The following IFT80 variants were observed in gnomAD, a reference collection of about 807,000 sequenced individuals.
The protein encoded by IFT80 is intraflagellar transport protein 80 homolog.
IFT80 carries 79 observed loss-of-function variants against 107.9 expected under a neutral mutation model. The ratio of observed to expected loss-of-function variants is 0.73; its 90% CI spans 0.61 to 0.88. IFT80 has a LOEUF of 0.88. Ranked by LOEUF, IFT80 falls within the 40% of genes least tolerant of loss-of-function variation. The probability of loss-of-function intolerance (pLI) is 0.00; values close to 1 mark genes in which losing one functional copy is unlikely to be tolerated. For synonymous variants in IFT80, 299 were observed against 300.9 expected (o/e 0.99, Z 0.07); for missense variants, 797 against 914.2 (o/e 0.87, Z 1.65).
rs1721079931 is a variant in IFT80 at position 160,356,244 on chromosome 3, T to A, written c.640-94A>T. The A allele has an allele frequency of 1.8e-5, 20 of 1,087,252 alleles. 1 individual carries two copies. In the South Asian group the frequency reaches 3.1e-4, roughly 17 times the overall value. The allele number at this position is 1,087,252 out of a possible 1,614,324, so 67.4% of individuals were successfully genotyped here. ...AAATAAATAAAATAAAAATGTTTTA[T>A]AACAGACACCACATAAAAACAAGTT... On this transcript the variant is annotated intron_variant, in intron 7 of 19. Transcript: ENST00000326448.
intron 8 of IFT80, among the ~76,000 whole-genome samples, chr3:160,344,305 T>G (rs1720127011): frequency 6.6e-6 from 1 of 152,174 alleles, no homozygotes; most frequent in Admixed American, 6.6e-5. Context: ...CTGTTTTCCT[T>G]TGGCTCTTTG....
chr3:160,373,892 T>A (rs965253083), intron 5 of IFT80, among the ~76,000 whole-genome samples: 2 of 152,210 alleles, frequency 1.3e-5, no homozygotes, highest in Non-Finnish European at 2.9e-5. Flanking sequence ...GCCCACCCAC[T>A]GCTCATCTCC....
Position 160,258,459 on chromosome 3 carries a change from A to G in IFT80, c.*66T>C. On this transcript the variant is annotated 3_prime_UTR_variant, in exon 20 of 20. Coordinates refer to ENST00000326448, the MANE Select transcript of IFT80 (RefSeq NM_020800.3). ...TGCTTTTTTCTTTAGCAACCAAAAC[A>G]TGCTTACCCTTGGTTAATCAGAACG... 1.2e-6 allele frequency: 2 copies of G among 1,603,910 alleles called. No individual in the cohort carries two copies. The highest frequency in any genetic ancestry group is 1.7e-6 in the Non-Finnish European group (2 of 1,173,992).
chr3:160,362,907 T>G (rs1268165832), intron 6 of IFT80, among the ~76,000 whole-genome samples: 1 of 152,118 alleles, frequency 6.6e-6, no homozygotes, highest in African/African-American at 2.4e-5. Context: ...CCACAGCCAA[T>G]ATCATACTGA....
At chr3:160,332,943 T>C (rs560489723) in intron 8 of IFT80, among the ~76,000 whole-genome samples, 1 of 152,336 alleles carries the variant, frequency 6.6e-6, no homozygotes, top group Non-Finnish European at 1.5e-5. Context: ...GGATGCATTC[T>C]GAGAAATGGG....
At chr3:160,393,671 T>C (rs190124255) in intron 1 of IFT80, among the ~76,000 whole-genome samples, 17 of 152,206 alleles carry the variant, frequency 1.1e-4, no homozygotes, top group Admixed American at 3.3e-4. Flanking sequence ...AAAAAGATGG[T>C]TTTTAAAAAA....
At chr3:160,348,154 T>C (rs1263845625) in intron 8 of IFT80, among the ~76,000 whole-genome samples, 1 of 152,200 alleles carries the variant, frequency 6.6e-6, no homozygotes, top group East Asian at 1.9e-4. Context: ...ATTAGTTAAA[T>C]TGAACATCCT....
At chr3:160,382,474 A>AT (rs1712597267) in intron 2 of IFT80, among the ~76,000 whole-genome samples, 2 of 152,032 alleles carry the variant, frequency 1.3e-5, no homozygotes, top group Non-Finnish European at 2.9e-5. Context: ...TATTTAACCC[A>AT]TTTTTTCAGC....
At chr3:160,375,297 T>TA (rs1305648717) in intron 5 of IFT80, among the ~76,000 whole-genome samples, 1 of 152,132 alleles carries the variant, frequency 6.6e-6, no homozygotes, top group Non-Finnish European at 1.5e-5. Context: ...TCTATTAACA[T>TA]AAAAAATTAA....
At chr3:160,284,859 A>G (rs1267774618) in intron 13 of IFT80, among the ~76,000 whole-genome samples, 2 of 152,198 alleles carry the variant, frequency 1.3e-5, no homozygotes, top group African/African-American at 2.4e-5. Context: ...AAGAGAACAT[A>G]TATCAGTTTT....
At chr3:160,375,230 T>C (rs963923099) in intron 5 of IFT80, among the ~76,000 whole-genome samples, 1 of 152,110 alleles carries the variant, frequency 6.6e-6, no homozygotes, top group Non-Finnish European at 1.5e-5. Flanking sequence ...GAAAAAATCA[T>C]ATGTAATCTA....
Position 160,258,207 on chromosome 3 carries a change from G to A in IFT80, c.*318C>T, listed in dbSNP as rs1044166523. ...TCAAAGAGTCCAATGTTTTATTATCGACATTAATATTTGTTCATGCTGAAG... is the reference window on the plus strand; with the variant it reads ...TCAAAGAGTCCAATGTTTTATTATCAACATTAATATTTGTTCATGCTGAAG... On this transcript the variant is annotated 3_prime_UTR_variant, in exon 20 of 20. Coordinates refer to ENST00000326448, the MANE Select transcript of IFT80 (RefSeq NM_020800.3). 17 of 304,218 alleles carry A rather than the reference G, an allele frequency of 5.6e-5. No individual in the cohort carries two copies. Among genetic ancestry groups the A allele is most frequent in the African/African-American group, 2.8e-4 (13 of 45,934 alleles). The allele number at this position is 304,218 out of a possible 1,614,324, so 18.8% of individuals were successfully genotyped here. A position where few individuals can be genotyped will look rare whatever the true frequency, so the allele number is the denominator to read the frequency against.
intron 1 of IFT80, among the ~76,000 whole-genome samples, chr3:160,398,831 C>T (rs1714098001): frequency 6.6e-6 from 1 of 152,114 alleles, no homozygotes. Flanking sequence ...ACTAAAGAGC[C>T]TTTTAGTCAA....
intron 16 of IFT80, 62 bp from the exon 17 acceptor site, chr3:160,277,732 G>A: frequency 1.9e-6 from 2 of 1,075,492 alleles, no homozygotes; most frequent in South Asian, 1.3e-5. Context: ...AAAATAAGCA[G>A]TGATTTAAAT....
chr3:160,276,036 T>A (rs1267313770), intron 18 of IFT80, among the ~76,000 whole-genome samples: 1 of 152,028 alleles, frequency 6.6e-6, no homozygotes, highest in Non-Finnish European at 1.5e-5. Context: ...CCCAGCTGCT[T>A]TTTTTGTATT....
intron 8 of IFT80, among the ~76,000 whole-genome samples, chr3:160,321,752 G>C (rs1235459521): frequency 6.6e-6 from 1 of 151,804 alleles, no homozygotes; most frequent in African/African-American, 2.4e-5. Flanking sequence ...GAGGGTAACT[G>C]AACTCACAGA....
chr3:160,372,844 T>C (rs924476151), intron 5 of IFT80, among the ~76,000 whole-genome samples: 7 of 152,208 alleles, frequency 4.6e-5, no homozygotes, highest in Non-Finnish European at 8.8e-5. Flanking sequence ...CTGTATTATA[T>C]GGTATAATCT....
intron 12 of IFT80, among the ~76,000 whole-genome samples, chr3:160,297,122 G>T (rs1716041183): frequency 6.6e-6 from 1 of 152,064 alleles, no homozygotes; most frequent in Non-Finnish European, 1.5e-5. Flanking sequence ...AAAATTGCAG[G>T]AGATATTCTA....
intron 5 of IFT80, among the ~76,000 whole-genome samples, chr3:160,371,687 C>T (rs977828682): frequency 2.0e-5 from 3 of 152,126 alleles, no homozygotes; most frequent in African/African-American, 7.2e-5. Context: ...AAGTGATCTG[C>T]CCACTTCAGC....
Sources: allele counts gnomAD v4.1 joint callset (sites outside exome capture counted in the v4.1 genomes callset), GRCh38; gene constraint gnomAD v4.1.1; transcripts MANE v1.5; gene names NCBI Gene and HGNC (gene_info 2026-07-23, HGNC 2026-07-21).